CACNA1A: variants seen among roughly 807,000 people sequenced by gnomAD.
CACNA1A encodes the protein voltage-dependent P/Q-type calcium channel subunit alpha-1A.
In CACNA1A, 57 loss-of-function variants were observed where a neutral mutation model predicts 262.4. That is an observed-to-expected ratio of 0.22 (90% CI 0.18 to 0.27). The LOEUF (loss-of-function observed/expected upper bound fraction) is 0.27. Ranked by LOEUF, CACNA1A falls within the 10% of genes least tolerant of loss-of-function variation. The pLI, the probability that CACNA1A is intolerant of heterozygous loss-of-function variation, is 1.00. For synonymous variants in CACNA1A, 1,431 were observed against 1,419.3 expected, an observed-to-expected ratio of 1.01 and a Z score of -0.18; for missense variants, 2,526 against 3,562.8, an observed-to-expected ratio of 0.71 and a Z score of 7.41.
chr19:13,343,709 C>T (rs374532142), intron 6 of CACNA1A, among the ~76,000 whole-genome samples: 19 of 152,086 alleles, frequency 1.2e-4, no homozygotes, highest in African/African-American at 3.6e-4. Flanking sequence ...ATGGATATTA[C>T]GCAACATGCT....
intron 3 of CACNA1A, among the ~76,000 whole-genome samples, chr19:13,447,679 G>T (rs933241143): frequency 1.3e-5 from 2 of 152,220 alleles, no homozygotes; most frequent in Non-Finnish European, 2.9e-5. Flanking sequence ...CCTTCAGTCT[G>T]TGGCCAAAGG....
chr19:13,253,150 A>G, intron 29 of CACNA1A, 49 bp from the exon 30 acceptor site: 1 of 1,187,474 alleles, frequency 8.4e-7, no homozygotes, highest in South Asian at 1.2e-5. Context: ...AGGGGTGGGA[A>G]GTGGGAAGTG....
chr19:13,210,470 T>G, intron 44 of CACNA1A, 147 bp downstream of exon 44: 5 of 683,962 alleles, frequency 7.3e-6, no homozygotes, highest in Non-Finnish European at 1.0e-5. Context: ...CACACAAGGA[T>G]TGGGCTCCAT....
chr19:13,432,454 T>TAAATAAAAAA (rs2060526830), intron 3 of CACNA1A, among the ~76,000 whole-genome samples: 1 of 119,408 alleles, frequency 8.4e-6, no homozygotes, highest in African/African-American at 3.1e-5. Context: ...TAAATAAAAA[T>TAAATAAAAAA]TAAAAATTTC....
At chr19:13,211,746 T>G (rs2054821295) in intron 43 of CACNA1A, 1 of 282,238 alleles carries the variant, frequency 3.5e-6, no homozygotes, top group Non-Finnish European at 6.9e-6. Flanking sequence ...GGGGTGATCT[T>G]CGTGGCAGGT....
chr19:13,357,868 A>G (rs1008296768), intron 6 of CACNA1A, among the ~76,000 whole-genome samples: 2 of 151,874 alleles, frequency 1.3e-5, no homozygotes, highest in Non-Finnish European at 2.9e-5. Flanking sequence ...TTAGCTAGGT[A>G]TGGTGGTGTG....
At chr19:13,374,071 A>G (rs2059366705) in intron 3 of CACNA1A, among the ~76,000 whole-genome samples, 1 of 152,100 alleles carries the variant, frequency 6.6e-6, no homozygotes, top group African/African-American at 2.4e-5. Flanking sequence ...CCAGTGGGGA[A>G]AGAACTTTCC....
chr19:13,345,017 C>T (rs750210341), intron 6 of CACNA1A, among the ~76,000 whole-genome samples: 2 of 152,026 alleles, frequency 1.3e-5, no homozygotes, highest in Non-Finnish European at 2.9e-5. Flanking sequence ...CCTCAGCCTC[C>T]CAAAGAGTTG....
intron 1 of CACNA1A, among the ~76,000 whole-genome samples, chr19:13,497,568 ATATATATAT>A (rs1568710048): frequency 0.015 from 535 of 35,754 alleles, 137 homozygotes; most frequent in East Asian, 0.02. Flanking sequence ...ATATATATAT[ATATATATAT>A]ATAAATTTAT....
chr19:13,347,059 G>T lies in CACNA1A; in HGVS notation c.979-11150C>A, dbSNP rs1246667985. On this transcript the variant is annotated intron_variant, in intron 6 of 46. Coordinates refer to ENST00000360228, the MANE Select transcript of CACNA1A (RefSeq NM_001127222.2). ...TTGTTCCTTCAGGTCTGTTTTTTTT[G>T]TTTTTTTGTTTTTTTTTTTTGAGAC... Among the ~76,000 whole-genome samples the T allele has an allele frequency of 1.2e-3, 68 of 58,380 alleles. No individual in the cohort carries two copies. The East Asian group carries it at 0.044, about 38-fold the overall frequency. The allele number at this position is 58,380 out of a possible 152,430, so 38.3% of individuals were successfully genotyped here.
At chr19:13,341,057 G>A (rs147264113) in intron 6 of CACNA1A, among the ~76,000 whole-genome samples, 1,645 of 152,262 alleles carry the variant, frequency 0.011, 9 homozygotes, top group Non-Finnish European at 0.016. Flanking sequence ...GGGAGACAGA[G>A]CAAGACCCTG....
chr19:13,223,942 G>T (rs1195618355), intron 38 of CACNA1A, among the ~76,000 whole-genome samples: 3 of 152,038 alleles, frequency 2.0e-5, no homozygotes, highest in African/African-American at 7.2e-5. Flanking sequence ...AAGGTGGGAG[G>T]ACTGCTTGAG....
chr19:13,428,867 A>G (rs1437194548), intron 3 of CACNA1A, among the ~76,000 whole-genome samples: 1 of 152,068 alleles, frequency 6.6e-6, no homozygotes, highest in Non-Finnish European at 1.5e-5. Context: ...ACTGAAGAAT[A>G]GAAGCAGTTC....
chr19:13,245,873 T>C (rs1600161002), intron 30 of CACNA1A, among the ~76,000 whole-genome samples: 1 of 152,112 alleles, frequency 6.6e-6, no homozygotes, highest in South Asian at 2.1e-4. Flanking sequence ...GGTTTCACCA[T>C]GTTGGTCAGG....
At chr19:13,455,869 C>CAAAA (rs766436872) in intron 1 of CACNA1A, among the ~76,000 whole-genome samples, 1 of 76,132 alleles carries the variant, frequency 1.3e-5, no homozygotes, top group African/African-American at 4.4e-5. Flanking sequence ...GGCCCTGTCT[C>CAAAA]AAAAAAAAAA....
At chr19:13,319,085 A>G (rs1240681608) in intron 10 of CACNA1A, among the ~76,000 whole-genome samples, 2 of 151,740 alleles carry the variant, frequency 1.3e-5, no homozygotes, top group Non-Finnish European at 2.9e-5. Context: ...GGTAGCAATG[A>G]GGTCTCCCTG....
intron 3 of CACNA1A, among the ~76,000 whole-genome samples, chr19:13,424,239 C>T (rs1390711814): frequency 2.6e-5 from 4 of 152,092 alleles, no homozygotes; most frequent in Middle Eastern, 3.4e-3. Flanking sequence ...AGTGGTGGCA[C>T]GTGCCTGTAA....
chr19:13,345,749 G>A (rs1019915875), intron 6 of CACNA1A, among the ~76,000 whole-genome samples: 5 of 152,154 alleles, frequency 3.3e-5, no homozygotes, highest in African/African-American at 1.2e-4. Flanking sequence ...GACAGTGACC[G>A]TGAGAGAGGC....
At chr19:13,280,732 G>T (rs1452297972) in intron 22 of CACNA1A, among the ~76,000 whole-genome samples, 1 of 152,074 alleles carries the variant, frequency 6.6e-6, no homozygotes, top group East Asian at 1.9e-4. Context: ...CTTGAGGTCA[G>T]GAGTTTGAGA....
Sources: allele counts gnomAD v4.1 joint callset (sites outside exome capture counted in the v4.1 genomes callset), GRCh38; gene constraint gnomAD v4.1.1; transcripts MANE v1.5; gene names NCBI Gene and HGNC (gene_info 2026-07-23, HGNC 2026-07-21).